Variants in ATE1 observed in about 807,000 individuals in gnomAD.
ATE1 encodes arginyl-tRNA--protein transferase 1.
A neutral mutation model predicts 70.5 loss-of-function variants in ATE1; 36 were observed. That is an observed-to-expected ratio of 0.51 (90% CI 0.39 to 0.67). ATE1 has a LOEUF of 0.67. ATE1 is among the 30% of genes least tolerant of loss of function. The pLI, the probability that ATE1 is intolerant of heterozygous loss-of-function variation, is 0.00. For missense variants in ATE1, 593 were observed against 629.5 expected (o/e 0.94, Z 0.62); for synonymous variants, 232 against 219.3 (o/e 1.06, Z -0.51).
chr10:121,825,146 T>C (rs148154214), intron 10 of ATE1, among the ~76,000 whole-genome samples: 1 of 151,654 alleles, frequency 6.6e-6, no homozygotes, highest in Non-Finnish European at 1.5e-5. Context: ...TTAAGTTATA[T>C]AATAATTTAT....
chr10:121,777,903 A>G (rs1327464598), intron 11 of ATE1, among the ~76,000 whole-genome samples: 2 of 152,258 alleles, frequency 1.3e-5, no homozygotes, highest in Admixed American at 6.5e-5. Flanking sequence ...AAAGAAATTT[A>G]ATCAGGATTT....
intron 11 of ATE1, among the ~76,000 whole-genome samples, chr10:121,752,828 T>C (rs561172305): frequency 6.6e-6 from 1 of 152,364 alleles, no homozygotes; most frequent in African/African-American, 2.4e-5. Context: ...TTGGCTATCC[T>C]GGGTTCCTTT....
At chr10:121,796,182 G>A (rs4752597) in intron 10 of ATE1, among the ~76,000 whole-genome samples, 141,074 of 152,104 alleles carry the variant, frequency 0.93, 65,739 homozygotes, top group Non-Finnish European at 0.97. Flanking sequence ...AAATTCAGCC[G>A]TCCAACAAGA....
rs781034904 is a variant in ATE1, at chr10:121,924,286, G to A, written c.150C>T (p.Leu50=). 6.2e-6 allele frequency: 10 copies of A among 1,614,104 alleles called. No homozygotes were observed. The East Asian group carries it at 2.0e-4, about 32-fold the overall frequency. Residue 50 remains leucine (L), a synonymous_variant, in exon 2 of 12, where the codon CTC becomes CTT. Transcript: ENST00000224652. ...HSMTVQDYQD[L]IDRGWRRSGK... ...TTTACCTTCGCCATCCTCGGTCTAT[G>A]AGATCCTGATAATCCTGTACTGTCA...
intron 10 of ATE1, among the ~76,000 whole-genome samples, chr10:121,816,585 A>G (rs1001688838): frequency 6.6e-6 from 1 of 152,136 alleles, no homozygotes; most frequent in Admixed American, 6.5e-5. Flanking sequence ...CCCTTCCACC[A>G]CATGAGGACA....
chr10:121,790,287 A>G lies in ATE1; in HGVS notation c.1260T>C (p.Gly420=), dbSNP rs777683373. The G allele has an allele frequency of 6.2e-7, 1 of 1,612,236 alleles. No homozygotes were observed. The highest frequency in any genetic ancestry group is 8.5e-7 in the Non-Finnish European group (1 of 1,179,260). Residue 420 remains glycine, a splice_region_variant and synonymous_variant, in exon 11 of 12, where the codon GGT becomes GGC. Coordinates refer to ENST00000224652, the MANE Select transcript of ATE1 (RefSeq NM_001001976.3). ...ACAGCAAATCAGAAGGTCTATACTG[A>G]CCCTGAAGAAAAGTGAAGGAAAAAG... The part of the protein sequence containing the change: ...IHSCPKMKYK[G]QYRPSDLLCP...
intron 10 of ATE1, among the ~76,000 whole-genome samples, chr10:121,818,538 G>A (rs1018180147): frequency 1.3e-5 from 2 of 152,164 alleles, no homozygotes; most frequent in Middle Eastern, 3.2e-3. Context: ...TCAAGAGCAG[G>A]CCGCATATGC....
chr10:121,755,186 T>C (rs1944745891), intron 11 of ATE1, among the ~76,000 whole-genome samples: 2 of 152,170 alleles, frequency 1.3e-5, no homozygotes, highest in Admixed American at 6.5e-5. Flanking sequence ...ATAAAGGACA[T>C]TACAGGGAAA....
chr10:121,743,236 T>G lies in ATE1; in HGVS notation c.*444A>C, dbSNP rs1407442059. 6.5e-6 allele frequency: 1 copy of G among 153,144 alleles called. No homozygotes were observed. Among genetic ancestry groups the G allele is most frequent in the Non-Finnish European group, 1.5e-5 (1 of 68,690 alleles). The allele number at this position is 153,144 out of a possible 1,614,324, so 9.5% of individuals were successfully genotyped here. ...TTGAGAAGACATATTTTCTAAGTGA[T>G]GAAATGAACTTTCTACCTTCCCCAT... is the stretch of plus-strand genomic sequence containing the variant. On this transcript the variant is annotated 3_prime_UTR_variant, in exon 12 of 12. Transcript: ENST00000224652.
rs573713874 is a variant in ATE1 at position 121,767,170 on chromosome 10, A to G, written c.1378+22999T>C. ...CCACCATATTAACAGTTTAAAGAAGAAAAATCACCTGACACAATTCAGCAA... is the reference window on the plus strand; with the variant it reads ...CCACCATATTAACAGTTTAAAGAAGGAAAATCACCTGACACAATTCAGCAA... On this transcript the variant is annotated intron_variant, in intron 11 of 11. Transcript: ENST00000224652. Among the ~76,000 whole-genome samples, 180 of 152,330 alleles carry G rather than the reference A, an allele frequency of 1.2e-3. 2 individuals are homozygous for G. The highest frequency in any genetic ancestry group is 3.4e-3 in the Middle Eastern group (1 of 294).
intron 11 of ATE1, among the ~76,000 whole-genome samples, chr10:121,769,228 C>T (rs7068386): frequency 0.83 from 126,384 of 152,132 alleles, 52,868 homozygotes; most frequent in Middle Eastern, 0.89. Flanking sequence ...ATAAACAAAC[C>T]ATAATAGCCC....
chr10:121,922,882 A>C (rs1170853393), intron 2 of ATE1, among the ~76,000 whole-genome samples: 1 of 152,154 alleles, frequency 6.6e-6, no homozygotes, highest in Non-Finnish European at 1.5e-5. Flanking sequence ...TTCTGTTCTC[A>C]AGTCAGAGAC....
intron 7 of ATE1, among the ~76,000 whole-genome samples, chr10:121,876,966 C>CAAA (rs869058660): frequency 2.2e-5 from 2 of 91,692 alleles, no homozygotes; most frequent in African/African-American, 3.8e-5. Context: ...ACTCCAGTCT[C>CAAA]AAAAAAAAAA....
In ATE1 at chr10:121,893,362, T is replaced by C. The variant is rs554475176; in HGVS notation, c.942+6504A>G. ...AATAACATGGAGAAAATTAATGTAT[T>C]TGACAGTAATTTCATTAAGTAGAGA... On this transcript the variant is annotated intron_variant, in intron 7 of 11. Transcript: ENST00000224652. Among the ~76,000 whole-genome samples, 4 of 152,086 alleles carry C rather than the reference T, an allele frequency of 2.6e-5. No individual in the cohort carries two copies. The South Asian group carries it at 6.2e-4, about 24-fold the overall frequency.
At chr10:121,771,849 C>T (rs1012114147) in intron 11 of ATE1, among the ~76,000 whole-genome samples, 4 of 152,060 alleles carry the variant, frequency 2.6e-5, no homozygotes, top group East Asian at 1.9e-4. Context: ...ATTCATTTTA[C>T]GCTTTGGTCA....
At position 121,749,150 on chromosome 10, in the gene ATE1, A is replaced by G. The variant is rs562206154; in HGVS notation, c.1379-5292T>C. On this transcript the variant is annotated intron_variant, in intron 11 of 11. Transcript: ENST00000224652. ...AGCTCCTGCCCATACCTTCCTTCAA[A>G]CCTAACTGCTTCCCTGGGTTAATGT... Among the ~76,000 whole-genome samples, 4 of 152,196 alleles carry G rather than the reference A, an allele frequency of 2.6e-5. No individual in the cohort carries two copies. The South Asian group carries it at 6.2e-4, about 24-fold the overall frequency.
intron 7 of ATE1, among the ~76,000 whole-genome samples, chr10:121,874,329 T>C (rs1004541629): frequency 1.1e-4 from 16 of 152,218 alleles, no homozygotes; most frequent in African/African-American, 3.9e-4. Flanking sequence ...AGGTTTTATG[T>C]AAAGAATGTC....
chr10:121,922,344 CT>C lies in ATE1; in HGVS notation c.233+4del. ...AATCCTCTTTCTACTAATTAAAATTCTTACCTTATTGTGTACTGAGGACAAC... is the reference window on the plus strand; with the variant it reads ...AATCCTCTTTCTACTAATTAAAATTCTACCTTATTGTGTACTGAGGACAAC... On this transcript the variant is annotated splice_donor_region_variant and intron_variant, in intron 3 of 11. Transcript: ENST00000224652. 6.4e-7 allele frequency: 1 copy of C among 1,571,062 alleles called. No individual in the cohort carries two copies. The highest frequency in any genetic ancestry group is 8.7e-7 in the Non-Finnish European group (1 of 1,145,972).
At position 121,742,367 on chromosome 10, in the gene ATE1, C is replaced by A. The variant is rs371738212; in HGVS notation, c.*1313G>T. 4 of 152,232 alleles carry A rather than the reference C, an allele frequency of 2.6e-5. No homozygotes were observed. The highest frequency in any genetic ancestry group is 7.2e-5 in the African/African-American group (3 of 41,540). 9.4% of individuals were successfully genotyped at this position (152,232 alleles called of 1,614,324 possible). On this transcript the variant is annotated 3_prime_UTR_variant, in exon 12 of 12. Transcript: ENST00000224652. Reference sequence around the variant, plus strand: ...CAAACTACCATGTTTTATAACATGGCTTTTAAGAAACGATGAACCAAAACA... The same window carrying A: ...CAAACTACCATGTTTTATAACATGGATTTTAAGAAACGATGAACCAAAACA...
Sources: allele counts gnomAD v4.1 joint callset (sites outside exome capture counted in the v4.1 genomes callset), GRCh38; gene constraint gnomAD v4.1.1; transcripts MANE v1.5; gene names NCBI Gene and HGNC (gene_info 2026-07-23, HGNC 2026-07-21).